JAK1: variants seen among roughly 807,000 people sequenced by gnomAD.
JAK1 encodes Janus kinase 1, also known as tyrosine-protein kinase JAK1.
In JAK1, 16 loss-of-function variants were observed where a neutral mutation model predicts 136.6. The ratio of observed to expected loss-of-function variants is 0.12; its 90% confidence interval spans 0.08 to 0.18. JAK1 has a LOEUF of 0.18. Ranked by LOEUF, JAK1 falls within the 10% of genes least tolerant of loss-of-function variation. The probability of loss-of-function intolerance (pLI) is 1.00; values close to 1 mark genes in which losing one functional copy is unlikely to be tolerated. For missense variants in JAK1, 859 were observed against 1,450.1 expected (o/e 0.59, Z 6.62); for synonymous variants, 492 against 519.5 (o/e 0.95, Z 0.72).
intron 5 of JAK1, 133 bp downstream of exon 5, chr1:64,873,237 T>C: frequency 1.0e-6 from 1 of 957,066 alleles, no homozygotes. Flanking sequence ...AGTCCAGGTG[T>C]GGCAAGAACT....
intron 20 of JAK1, 81 bp from the exon 21 acceptor site, chr1:64,838,670 A>G: frequency 6.8e-7 from 1 of 1,463,502 alleles, no homozygotes; most frequent in South Asian, 1.2e-5. Context: ...GATATGAGAC[A>G]GAGGCCCTGA....
intron 1 of JAK1, among the ~76,000 whole-genome samples, chr1:64,940,174 AG>A (rs1645863035): frequency 6.6e-6 from 1 of 152,226 alleles, no homozygotes; most frequent in Non-Finnish European, 1.5e-5. Context: ...AAGGCACAAC[AG>A]GAAGTCCAAA....
At chr1:64,847,012 A>C (rs1372267884) in intron 13 of JAK1, 2 of 523,018 alleles carry the variant, frequency 3.8e-6, no homozygotes, top group Non-Finnish European at 6.9e-6. Context: ...TTCCCACTGG[A>C]TACTCATGCC....
At chr1:65,065,102 C>A (rs1401085158) in intron 1 of JAK1, among the ~76,000 whole-genome samples, 1 of 152,146 alleles carries the variant, frequency 6.6e-6, no homozygotes, top group African/African-American at 2.4e-5. Flanking sequence ...AAAAGTTGAT[C>A]TTTTCAAGGA....
intron 1 of JAK1, among the ~76,000 whole-genome samples, chr1:64,937,090 C>G (rs140078900): frequency 6.6e-6 from 1 of 151,910 alleles, no homozygotes; most frequent in African/African-American, 2.4e-5. Context: ...TCCCCACCCC[C>G]AGTTTGGTCT....
At chr1:64,968,931 CAAAAAAAAAAA>C (rs10708307), upstream of JAK1, among the ~76,000 whole-genome samples, 8 of 64,046 alleles carry the variant, frequency 1.2e-4, no homozygotes, top group African/African-American at 4.2e-4. Flanking sequence ...GACTCCCTCT[CAAAAAAAAAAA>C]AAAAAAAAAA....
chr1:64,845,325 C>A (rs944901458), intron 15 of JAK1, among the ~76,000 whole-genome samples, 188 bp downstream of exon 15: 1 of 152,186 alleles, frequency 6.6e-6, no homozygotes, highest in Non-Finnish European at 1.5e-5. Flanking sequence ...CATGTGAGCA[C>A]AGGGAACGGC....
chr1:64,947,961 T>C (rs1646018050), intron 1 of JAK1, among the ~76,000 whole-genome samples: 1 of 152,164 alleles, frequency 6.6e-6, no homozygotes, highest in East Asian at 1.9e-4. Flanking sequence ...GAAATACAAA[T>C]GTTTCCAAAT....
chr1:65,009,134 C>G (rs1440722976), intron 2 of JAK1, among the ~76,000 whole-genome samples: 1 of 151,908 alleles, frequency 6.6e-6, no homozygotes, highest in African/African-American at 2.4e-5. Context: ...GTTAAAGCAT[C>G]TATGGTATAG....
chr1:65,025,918 A>G (rs1438942449), intron 2 of JAK1, among the ~76,000 whole-genome samples: 1 of 152,090 alleles, frequency 6.6e-6, no homozygotes, highest in Non-Finnish European at 1.5e-5. Flanking sequence ...GACTCAAGCG[A>G]TCCTCCTGCC....
chr1:64,909,775 G>T (rs1471273380), intron 1 of JAK1, among the ~76,000 whole-genome samples: 4 of 152,084 alleles, frequency 2.6e-5, no homozygotes, highest in Non-Finnish European at 5.9e-5. Flanking sequence ...AATGAGCTGT[G>T]ACAGCACCTC....
intron 11 of JAK1, among the ~76,000 whole-genome samples, chr1:64,853,123 A>G (rs748859319): frequency 2.6e-5 from 4 of 152,160 alleles, no homozygotes; most frequent in Non-Finnish European, 2.9e-5. Flanking sequence ...TGGTTAGGAG[A>G]GCAGAGGAGC....
At chr1:64,835,076 A>AACTT (rs1302233168) in intron 24 of JAK1, among the ~76,000 whole-genome samples, 4 of 148,774 alleles carry the variant, frequency 2.7e-5, no homozygotes, top group African/African-American at 7.5e-5. Flanking sequence ...AAGTGGGATA[A>AACTT]ACTTACACAC....
At chr1:65,014,235 A>T (rs1176639263) in intron 2 of JAK1, among the ~76,000 whole-genome samples, 1 of 152,170 alleles carries the variant, frequency 6.6e-6, no homozygotes, top group African/African-American at 2.4e-5. Context: ...TATATGGCAG[A>T]AACAGTATTT....
intron 2 of JAK1, among the ~76,000 whole-genome samples, chr1:64,981,701 T>C (rs182741955): frequency 4.0e-4 from 61 of 152,326 alleles, no homozygotes; most frequent in Non-Finnish European, 7.3e-5. Context: ...TAAGTACCCT[T>C]ACCTCCCAGC....
chr1:64,949,654 T>A (rs1646047507), intron 1 of JAK1, among the ~76,000 whole-genome samples: 1 of 152,234 alleles, frequency 6.6e-6, no homozygotes, highest in South Asian at 2.1e-4. Flanking sequence ...TGCCAGTGGG[T>A]TGCCTGTACA....
chr1:64,981,847 C>T (rs1243418611), intron 2 of JAK1, among the ~76,000 whole-genome samples: 2 of 152,164 alleles, frequency 1.3e-5, no homozygotes, highest in African/African-American at 4.8e-5. Flanking sequence ...TTCACTGTCT[C>T]ACACTCCAGG....
chr1:64,838,125 T>G, intron 21 of JAK1, 21 bp from the exon 22 acceptor site: 1 of 1,601,822 alleles, frequency 6.2e-7, no homozygotes, highest in Non-Finnish European at 8.5e-7. Flanking sequence ...GAAGTAAAAG[T>G]CAAGCACATT....
chr1:64,935,601 C>T (rs1366995479), intron 1 of JAK1, among the ~76,000 whole-genome samples: 2 of 152,000 alleles, frequency 1.3e-5, no homozygotes, highest in African/African-American at 4.8e-5. Flanking sequence ...GCACCCAGCC[C>T]ATAATTCATC....
Sources: allele counts gnomAD v4.1 joint callset (sites outside exome capture counted in the v4.1 genomes callset), GRCh38; gene constraint gnomAD v4.1.1; transcripts MANE v1.5; gene names NCBI Gene and HGNC (gene_info 2026-07-23, HGNC 2026-07-21).